The following SGMS1 variants were observed in gnomAD, a reference collection of about 807,000 sequenced individuals.
SGMS1 encodes sphingomyelin synthase 1.
SGMS1 carries 13 observed loss-of-function variants against 46.2 expected under a neutral mutation model. The observed-to-expected ratio is 0.28, with a 90% CI of 0.18 to 0.45. The LOEUF is 0.45. Ranked by LOEUF, SGMS1 falls within the 20% of genes least tolerant of loss-of-function variation. The probability of loss-of-function intolerance (pLI) is 1.00; values close to 1 mark genes in which losing one functional copy is unlikely to be tolerated. For synonymous variants in SGMS1, 203 were observed against 187.8 expected (o/e 1.08, Z -0.66); for missense variants, 324 against 519.9 (o/e 0.62, Z 3.66).
chr10:50,427,550 G>C (rs947879058), intron 6 of SGMS1, among the ~76,000 whole-genome samples: 1 of 152,198 alleles, frequency 6.6e-6, no homozygotes, highest in African/African-American at 2.4e-5. Context: ...GTAAATACAA[G>C]CTAAGGAAGG....
At chr10:50,356,909 G>A (rs945810209) in intron 6 of SGMS1, among the ~76,000 whole-genome samples, 1 of 151,858 alleles carries the variant, frequency 6.6e-6, no homozygotes, top group Non-Finnish European at 1.5e-5. Flanking sequence ...ACACACCGGG[G>A]CCTATTGTGG....
At chr10:50,509,494 G>C (rs1837735750) in intron 3 of SGMS1, among the ~76,000 whole-genome samples, 1 of 152,156 alleles carries the variant, frequency 6.6e-6, no homozygotes, top group South Asian at 2.1e-4. Flanking sequence ...TTATGGCTGA[G>C]ATTAAAACGG....
intron 9 of SGMS1, among the ~76,000 whole-genome samples, chr10:50,310,302 A>C (rs1847233914): frequency 6.6e-6 from 1 of 152,102 alleles, no homozygotes; most frequent in Admixed American, 6.6e-5. Context: ...CTTCATGGAA[A>C]CCCCCCTGTA....
intron 2 of SGMS1, among the ~76,000 whole-genome samples, chr10:50,544,376 A>T (rs1037503450): frequency 6.6e-6 from 1 of 152,192 alleles, no homozygotes; most frequent in Non-Finnish European, 1.5e-5. Context: ...TAAACAAGGC[A>T]TTCCTGCATG....
intron 1 of SGMS1, 71 bp downstream of exon 1, chr10:50,623,636 C>A: frequency 1.0e-6 from 1 of 985,382 alleles, no homozygotes; most frequent in Non-Finnish European, 1.2e-6. Context: ...TAAGGCCGGG[C>A]CCGCGAGACA....
chr10:50,505,633 C>A (rs1168125575), intron 3 of SGMS1, among the ~76,000 whole-genome samples: 2 of 152,132 alleles, frequency 1.3e-5, no homozygotes, highest in Non-Finnish European at 2.9e-5. Context: ...ATATGCCAGG[C>A]ACTGTTCTAG....
chr10:50,349,645 G>C (rs933141775), intron 6 of SGMS1, among the ~76,000 whole-genome samples: 2 of 152,190 alleles, frequency 1.3e-5, no homozygotes, highest in African/African-American at 4.8e-5. Context: ...TTGAATCATG[G>C]AGGTGGTCCC....
chr10:50,577,681 G>A (rs2131870345), intron 2 of SGMS1, among the ~76,000 whole-genome samples: 2 of 152,254 alleles, frequency 1.3e-5, no homozygotes, highest in African/African-American at 4.8e-5. Flanking sequence ...TTCCTCAAAG[G>A]TTCATAGAGT....
chr10:50,590,082 G>A (rs1464350637), intron 2 of SGMS1, 71 bp downstream of exon 2: 1 of 151,634 alleles, frequency 6.6e-6, no homozygotes, highest in Non-Finnish European at 1.5e-5. Context: ...CTCATTGCAC[G>A]TTCTCTTAAC....
chr10:50,473,605 A>G (rs900800710), intron 3 of SGMS1, among the ~76,000 whole-genome samples: 20 of 152,250 alleles, frequency 1.3e-4, no homozygotes, highest in African/African-American at 3.9e-4. Context: ...GTTTACTCCA[A>G]TATAGAAACA....
chr10:50,567,633 A>T (rs1838300599), intron 2 of SGMS1, among the ~76,000 whole-genome samples: 2 of 152,038 alleles, frequency 1.3e-5, no homozygotes, highest in South Asian at 2.1e-4. Context: ...CCCAACCTCC[A>T]CTGTTATCTA....
At chr10:50,378,907 T>C (rs1254332090) in intron 6 of SGMS1, among the ~76,000 whole-genome samples, 1 of 152,178 alleles carries the variant, frequency 6.6e-6, no homozygotes, top group Admixed American at 6.5e-5. Context: ...AGGTTTTTTC[T>C]TCCTAAAACC....
intron 6 of SGMS1, among the ~76,000 whole-genome samples, chr10:50,360,064 G>T (rs979141031): frequency 1.3e-5 from 2 of 152,028 alleles, no homozygotes; most frequent in Admixed American, 1.3e-4. Context: ...CATGTAGTCT[G>T]CTTTGTAAAT....
At chr10:50,357,518 C>T (rs944406246) in intron 6 of SGMS1, among the ~76,000 whole-genome samples, 2 of 152,032 alleles carry the variant, frequency 1.3e-5, no homozygotes, top group South Asian at 2.1e-4. Context: ...TGCAATGCAA[C>T]GAGACCTGGG....
intron 3 of SGMS1, among the ~76,000 whole-genome samples, chr10:50,502,494 C>T (rs1837670472): frequency 1.3e-5 from 2 of 152,094 alleles, no homozygotes; most frequent in African/African-American, 2.4e-5. Context: ...TGACCCTACC[C>T]TTCTCTCTAT....
intron 7 of SGMS1, among the ~76,000 whole-genome samples, chr10:50,338,676 T>G (rs553731828): frequency 6.6e-6 from 1 of 152,242 alleles, no homozygotes; most frequent in South Asian, 2.1e-4. Context: ...TCCACAAAAT[T>G]TATTCACTAA....
intron 3 of SGMS1, among the ~76,000 whole-genome samples, chr10:50,471,419 C>A (rs1837377818): frequency 6.6e-6 from 1 of 152,114 alleles, no homozygotes; most frequent in Non-Finnish European, 1.5e-5. Context: ...TAACACCGAG[C>A]TAAAGCACAA....
chr10:50,425,326 C>T (rs906299087), intron 6 of SGMS1, among the ~76,000 whole-genome samples: 8 of 152,130 alleles, frequency 5.3e-5, no homozygotes, highest in Non-Finnish European at 1.2e-4. Flanking sequence ...TTCACAATAG[C>T]AAAGACAGGG....
At chr10:50,537,213 T>C (rs1838009689) in intron 2 of SGMS1, among the ~76,000 whole-genome samples, 1 of 152,186 alleles carries the variant, frequency 6.6e-6, no homozygotes, top group African/African-American at 2.4e-5. Context: ...CAAACCTTTG[T>C]TTTTTCCACA....
Sources: allele counts gnomAD v4.1 joint callset (sites outside exome capture counted in the v4.1 genomes callset), GRCh38; gene constraint gnomAD v4.1.1; transcripts MANE v1.5; gene names NCBI Gene and HGNC (gene_info 2026-07-23, HGNC 2026-07-21).